The following VRK2 variants were observed in gnomAD, a reference collection of about 807,000 sequenced individuals.
The protein encoded by VRK2 is serine/threonine-protein kinase VRK2.
VRK2 carries 60 observed loss-of-function variants against 57.6 expected under a neutral mutation model. That is an observed-to-expected ratio of 1.04 (90% CI 0.85 to 1.29). The LOEUF is 1.29. Ranked by LOEUF, VRK2 falls within the 50% of genes most tolerant of loss-of-function variation. The pLI, the probability that VRK2 is intolerant of heterozygous loss-of-function variation, is 0.00. For synonymous variants in VRK2, 231 were observed against 199.2 expected (o/e 1.16, Z -1.35); for missense variants, 705 against 588.1 (o/e 1.20, Z -2.06).
intron 1 of VRK2, among the ~76,000 whole-genome samples, chr2:57,914,314 C>T (rs1183029803): frequency 6.6e-6 from 1 of 150,910 alleles, no homozygotes; most frequent in Non-Finnish European, 1.5e-5. Flanking sequence ...AAAATGACTA[C>T]ATGAATTGTA....
At chr2:58,095,661 G>A (rs1266141280) in intron 7 of VRK2, among the ~76,000 whole-genome samples, 1 of 151,952 alleles carries the variant, frequency 6.6e-6, no homozygotes, top group Admixed American at 6.5e-5. Flanking sequence ...AGTGGTTTTA[G>A]TAATGGTTCT....
At chr2:58,147,292 C>T in intron 12 of VRK2, 1 of 432,268 alleles carries the variant, frequency 2.3e-6, no homozygotes, top group Non-Finnish European at 4.7e-6. Context: ...GCAAGTTTAT[C>T]CAGAGACAGA....
In VRK2 at chr2:58,069,329, G is replaced by A. The variant is rs374579799; in HGVS notation, c.137-14760G>A. Reference sequence around the variant, plus strand: ...CTTGGGTATTGGTAGTTTACTTATCGAAGTCTGTATATGCTGTTTAATGTT... The same window carrying A: ...CTTGGGTATTGGTAGTTTACTTATCAAAGTCTGTATATGCTGTTTAATGTT... On this transcript the variant is annotated intron_variant, in intron 2 of 12. Coordinates refer to ENST00000340157, the MANE Select transcript of VRK2 (RefSeq NM_006296.7). 5.3e-5 allele frequency among the ~76,000 whole-genome samples: 8 copies of A among 152,194 alleles called. No homozygotes were observed. The East Asian group carries it at 5.8e-4, about 11-fold the overall frequency.
chr2:58,095,519 T>C (rs749451523), intron 7 of VRK2, among the ~76,000 whole-genome samples: 2 of 152,148 alleles, frequency 1.3e-5, no homozygotes, highest in Admixed American at 6.5e-5. Context: ...CAAAATATTA[T>C]ACCTTTTTGT....
chr2:58,102,558 C>T (rs893949600), intron 7 of VRK2, among the ~76,000 whole-genome samples: 7 of 148,532 alleles, frequency 4.7e-5, no homozygotes, highest in Non-Finnish European at 8.9e-5. Flanking sequence ...AGAGGCTATA[C>T]CAGTCGTAAA....
At chr2:58,099,485 A>G (rs555650918) in intron 7 of VRK2, among the ~76,000 whole-genome samples, 4 of 152,118 alleles carry the variant, frequency 2.6e-5, no homozygotes, top group South Asian at 4.2e-4. Context: ...TTCCTTTCCT[A>G]TAACCCTTTA....
intron 1 of VRK2, among the ~76,000 whole-genome samples, chr2:57,931,771 T>G (rs1445532184): frequency 2.0e-5 from 3 of 152,024 alleles, no homozygotes; most frequent in Non-Finnish European, 2.9e-5. Flanking sequence ...TCTATCCATT[T>G]TGAGTTGATT....
intron 2 of VRK2, 128 bp from the exon 3 acceptor site, chr2:58,083,961 A>T (rs183120932): frequency 1.1e-4 from 104 of 943,138 alleles, no homozygotes; most frequent in Middle Eastern, 2.6e-4. Flanking sequence ...CTACTACCAT[A>T]AAAGGTTGTT....
chr2:58,147,468 T>TA (rs1435659843), intron 12 of VRK2, among the ~76,000 whole-genome samples: 5 of 151,968 alleles, frequency 3.3e-5, no homozygotes, highest in South Asian at 2.1e-4. Flanking sequence ...TGACAAAACT[T>TA]AGAGATTCTA....
intron 8 of VRK2, among the ~76,000 whole-genome samples, chr2:58,127,226 C>G (rs995207257): frequency 2.0e-5 from 3 of 152,010 alleles, no homozygotes; most frequent in Admixed American, 6.5e-5. Flanking sequence ...TCACTCTAAT[C>G]TAGCACTCCA....
At chr2:57,920,574 A>T (rs968183732) in intron 1 of VRK2, among the ~76,000 whole-genome samples, 4 of 152,130 alleles carry the variant, frequency 2.6e-5, no homozygotes, top group African/African-American at 9.7e-5. Flanking sequence ...ATTCTCAACA[A>T]CAAAAGCTGG....
intron 7 of VRK2, among the ~76,000 whole-genome samples, chr2:58,106,583 A>G (rs541583855): frequency 2.6e-5 from 4 of 152,020 alleles, no homozygotes; most frequent in Admixed American, 6.6e-5. Flanking sequence ...ATCCAATATA[A>G]TGACTTCATG....
chr2:58,065,129 T>G (rs183723736), intron 2 of VRK2, among the ~76,000 whole-genome samples: 1 of 152,286 alleles, frequency 6.6e-6, no homozygotes, highest in East Asian at 1.9e-4. Flanking sequence ...ATTATGATTA[T>G]GTACTTGTAT....
intron 1 of VRK2, among the ~76,000 whole-genome samples, chr2:57,934,132 T>A (rs7596470): frequency 0.024 from 3,639 of 152,320 alleles, 144 homozygotes; most frequent in African/African-American, 0.083. Flanking sequence ...TTTTAATACC[T>A]TTGTCTTTTA....
At chr2:57,996,513 A>T (rs1483167523) in intron 1 of VRK2, among the ~76,000 whole-genome samples, 1 of 152,226 alleles carries the variant, frequency 6.6e-6, no homozygotes, top group Non-Finnish European at 1.5e-5. Flanking sequence ...CATATCCTGA[A>T]GGAAGTCAAA....
chr2:58,088,819 G>T (rs967052168), intron 6 of VRK2, among the ~76,000 whole-genome samples: 3 of 152,118 alleles, frequency 2.0e-5, no homozygotes, highest in African/African-American at 7.2e-5. Flanking sequence ...ATGGTAGGGG[G>T]GTGCTATGAA....
intron 2 of VRK2, among the ~76,000 whole-genome samples, chr2:58,063,926 T>A (rs1036363857): frequency 2.0e-5 from 3 of 152,100 alleles, no homozygotes; most frequent in African/African-American, 7.2e-5. Context: ...TTTCCAACCC[T>A]TGTGGGTGAC....
At chr2:58,113,490 G>A (rs984027040) in intron 7 of VRK2, among the ~76,000 whole-genome samples, 6 of 152,230 alleles carry the variant, frequency 3.9e-5, no homozygotes, top group African/African-American at 1.4e-4. Flanking sequence ...CAATATGGCT[G>A]TTTATTTCAC....
At position 58,030,613 on chromosome 2, in the gene VRK2, T is replaced by C. The variant is rs891511301; in HGVS notation, c.-332-2614T>C. On this transcript the variant is annotated intron_variant, in intron 2 of 15. Transcript: ENST00000417641. ...GAAATATCAAGCAGGAAAGCAAATA[T>C]ACTAGCTTGAAATTCACTGGATTGG... 3.3e-5 allele frequency among the ~76,000 whole-genome samples: 5 copies of C among 152,044 alleles called. No homozygotes were observed. In the East Asian group the frequency reaches 5.8e-4, roughly 18 times the overall value.
Sources: allele counts gnomAD v4.1 joint callset (sites outside exome capture counted in the v4.1 genomes callset), GRCh38; gene constraint gnomAD v4.1.1; transcripts MANE v1.5; gene names NCBI Gene and HGNC (gene_info 2026-07-23, HGNC 2026-07-21).